Variants in SLC25A12 observed in about 807,000 individuals in gnomAD.
SLC25A12 encodes solute carrier family 25 member 12, also known as electrogenic aspartate/glutamate antiporter SLC25A12, mitochondrial.
A neutral mutation model predicts 83.3 loss-of-function variants in SLC25A12; 32 were observed. That is an observed-to-expected ratio of 0.38 (90% CI 0.29 to 0.52). SLC25A12 has a LOEUF of 0.52. Ranked by LOEUF, SLC25A12 falls within the 20% of genes least tolerant of loss-of-function variation. SLC25A12 has a pLI of 0.84. For synonymous variants in SLC25A12, 267 were observed against 291.1 expected (o/e 0.92, Z 0.84); for missense variants, 611 against 835.6 (o/e 0.73, Z 3.31).
intron 6 of SLC25A12, among the ~76,000 whole-genome samples, chr2:171,835,980 A>C (rs943769136): frequency 2.6e-5 from 4 of 152,120 alleles, no homozygotes; most frequent in Non-Finnish European, 5.9e-5. Context: ...GGTCTATCTA[A>C]CCTAGTTGGA....
intron 4 of SLC25A12, among the ~76,000 whole-genome samples, chr2:171,847,532 G>A (rs1684825178): frequency 6.6e-6 from 1 of 152,180 alleles, no homozygotes; most frequent in South Asian, 2.1e-4. Flanking sequence ...TGTATAGCAA[G>A]TTCCACCCAC....
chr2:171,829,543 A>G (rs1362923172), intron 8 of SLC25A12, among the ~76,000 whole-genome samples: 2 of 152,126 alleles, frequency 1.3e-5, no homozygotes, highest in Non-Finnish European at 2.9e-5. Context: ...TTCAGAGGGG[A>G]ACACTCTATT....
chr2:171,863,626 T>C (rs767960333), intron 3 of SLC25A12, among the ~76,000 whole-genome samples: 9 of 151,974 alleles, frequency 5.9e-5, no homozygotes, highest in South Asian at 4.2e-4. Context: ...ACTACTGAGA[T>C]AGAATAGAGC....
chr2:171,844,265 A>G, intron 5 of SLC25A12, 104 bp downstream of exon 5: 2 of 1,247,806 alleles, frequency 1.6e-6, no homozygotes, highest in South Asian at 2.6e-5. Context: ...ATAGGAGTGA[A>G]ATACCATGGA....
intron 3 of SLC25A12, chr2:171,856,677 T>A (rs1573986619): frequency 6.6e-6 from 1 of 151,988 alleles, no homozygotes; most frequent in Non-Finnish European, 1.5e-5. Context: ...GCACAGGGAA[T>A]CTCAATCTTA....
intron 3 of SLC25A12, among the ~76,000 whole-genome samples, chr2:171,859,766 A>AT (rs34957062): frequency 0.019 from 2,887 of 148,392 alleles, 56 homozygotes; most frequent in Admixed American, 0.069. Context: ...GGATACAACA[A>AT]TTTTTTTTTT....
chr2:171,873,610 A>G (rs1015058051), intron 2 of SLC25A12, among the ~76,000 whole-genome samples: 3 of 152,200 alleles, frequency 2.0e-5, no homozygotes, highest in Non-Finnish European at 4.4e-5. Flanking sequence ...AAGGTACCAA[A>G]GAATATACAG....
intron 5 of SLC25A12, among the ~76,000 whole-genome samples, chr2:171,840,344 T>A (rs1014555308): frequency 6.6e-6 from 1 of 151,128 alleles, no homozygotes; most frequent in Non-Finnish European, 1.5e-5. Context: ...CATGATCCTG[T>A]CACTGCACTC....
intron 3 of SLC25A12, among the ~76,000 whole-genome samples, chr2:171,860,162 T>C (rs1037984303): frequency 6.6e-6 from 1 of 152,246 alleles, no homozygotes; most frequent in Non-Finnish European, 1.5e-5. Context: ...TGTTATATTA[T>C]GTATATTTTA....
chr2:171,827,561 A>G (rs186403638), intron 8 of SLC25A12, among the ~76,000 whole-genome samples: 1 of 152,218 alleles, frequency 6.6e-6, no homozygotes, highest in Non-Finnish European at 1.5e-5. Context: ...TCATTTATAT[A>G]GGGTGTAACC....
At chr2:171,834,360 C>CA in intron 7 of SLC25A12, 2 of 425,224 alleles carry the variant, frequency 4.7e-6, no homozygotes, top group Non-Finnish European at 8.5e-6. Context: ...AGTTATAATA[C>CA]AAAAAAAGTG....
At chr2:171,787,135 G>A (rs1690503410) in intron 17 of SLC25A12, among the ~76,000 whole-genome samples, 1 of 152,138 alleles carries the variant, frequency 6.6e-6, no homozygotes, top group Admixed American at 6.5e-5. Flanking sequence ...ACCAGCCTGG[G>A]CAACACAGTG....
At chr2:171,824,100 T>C (rs894912985) in intron 9 of SLC25A12, among the ~76,000 whole-genome samples, 1 of 152,148 alleles carries the variant, frequency 6.6e-6, no homozygotes, top group Non-Finnish European at 1.5e-5. Flanking sequence ...TCACTCTGGA[T>C]ACCAATCAGA....
intron 9 of SLC25A12, among the ~76,000 whole-genome samples, chr2:171,821,180 C>G (rs1321242460): frequency 6.6e-6 from 1 of 151,674 alleles, no homozygotes; most frequent in Non-Finnish European, 1.5e-5. Flanking sequence ...TAGGTGTGCA[C>G]CACTATGCCT....
At chr2:171,878,708 T>C (rs1249965288) in intron 2 of SLC25A12, among the ~76,000 whole-genome samples, 2 of 152,230 alleles carry the variant, frequency 1.3e-5, no homozygotes, top group Non-Finnish European at 2.9e-5. Flanking sequence ...CCTTTCAATT[T>C]CAGTAATTCA....
At chr2:171,850,554 GC>G (rs1163275511) in intron 4 of SLC25A12, among the ~76,000 whole-genome samples, 27 of 150,774 alleles carry the variant, frequency 1.8e-4, no homozygotes, top group Non-Finnish European at 4.4e-5. Flanking sequence ...CACCATATTG[GC>G]CAGGCTGGTC....
chr2:171,814,688 T>C (rs1279840585), intron 10 of SLC25A12, among the ~76,000 whole-genome samples: 1 of 137,542 alleles, frequency 7.3e-6, no homozygotes, highest in African/African-American at 2.9e-5. Context: ...GTTTCCTTCT[T>C]TGTGTTCATA....
intron 6 of SLC25A12, 93 bp from the exon 7 acceptor site, chr2:171,834,958 G>T: frequency 1.5e-6 from 2 of 1,326,712 alleles, no homozygotes; most frequent in Non-Finnish European, 2.1e-6. Flanking sequence ...ATCCAAAGGA[G>T]TCTTCACTGT....
At chr2:171,843,617 G>T (rs1478231602) in intron 5 of SLC25A12, among the ~76,000 whole-genome samples, 1 of 151,756 alleles carries the variant, frequency 6.6e-6, no homozygotes, top group Non-Finnish European at 1.5e-5. Context: ...GAGCAACAGA[G>T]CCAGACTCTG....
Sources: allele counts gnomAD v4.1 joint callset (sites outside exome capture counted in the v4.1 genomes callset), GRCh38; gene constraint gnomAD v4.1.1; transcripts MANE v1.5; gene names NCBI Gene and HGNC (gene_info 2026-07-23, HGNC 2026-07-21).